The following FBN2 variants were observed in gnomAD, a reference collection of about 807,000 sequenced individuals.
FBN2 encodes the protein fibrillin 2.
In FBN2, 105 loss-of-function variants were observed where a neutral mutation model predicts 355.6. The observed-to-expected ratio is 0.30, with a 90% CI of 0.25 to 0.35. The LOEUF (loss-of-function observed/expected upper bound fraction) is 0.35. Ranked by LOEUF, FBN2 falls within the 10% of genes least tolerant of loss-of-function variation. FBN2 has a pLI of 1.00. For missense variants in FBN2, 3,280 were observed against 3,758.7 expected (o/e 0.87, Z 3.33); for synonymous variants, 1,350 against 1,301.2 (o/e 1.04, Z -0.81).
chr5:128,321,335 T>C (rs1750367119), intron 34 of FBN2, among the ~76,000 whole-genome samples: 1 of 152,230 alleles, frequency 6.6e-6, no homozygotes, highest in Non-Finnish European at 1.5e-5. Flanking sequence ...GGGATACATG[T>C]ACAGAATGTG....
intron 5 of FBN2, among the ~76,000 whole-genome samples, chr5:128,486,107 ATGT>A (rs1455132613): frequency 1.3e-5 from 2 of 152,176 alleles, no homozygotes; most frequent in African/African-American, 4.8e-5. Context: ...TATGTTCAGA[ATGT>A]TGTTATCTGC....
intron 15 of FBN2, among the ~76,000 whole-genome samples, chr5:128,373,525 A>G (rs908608143): frequency 6.6e-6 from 1 of 152,194 alleles, no homozygotes; most frequent in East Asian, 1.9e-4. Context: ...AGGTAGGAGT[A>G]AAGTATTAAC....
At chr5:128,313,195 G>A (rs1750107174) in intron 36 of FBN2, among the ~76,000 whole-genome samples, 1 of 152,140 alleles carries the variant, frequency 6.6e-6, no homozygotes, top group Admixed American at 6.5e-5. Context: ...TTTTGGAAAA[G>A]ATAGCCTGCA....
intron 11 of FBN2, among the ~76,000 whole-genome samples, chr5:128,385,273 G>A (rs1752337492): frequency 6.6e-6 from 1 of 152,032 alleles, no homozygotes; most frequent in Non-Finnish European, 1.5e-5. Context: ...TGTACTGAAT[G>A]TTTAGCTACC....
rs553236991 is a variant in FBN2 at position 128,453,751 on chromosome 5, G to A, written c.827-7145C>T. ...AGAGTGGGGAAGGCTCAAAGGAAAC[G>A]TGTTGGTTTGAAACTTCCACAAGGC... On this transcript the variant is annotated intron_variant, in intron 6 of 64. Coordinates refer to ENST00000262464, the MANE Select transcript of FBN2 (RefSeq NM_001999.4). Among the ~76,000 whole-genome samples the A allele has an allele frequency of 4.6e-5, 7 of 152,194 alleles. No individual in the cohort carries two copies. In the South Asian group the frequency reaches 1.0e-3, roughly 23 times the overall value.
In FBN2 at chr5:128,290,034, A is replaced by G; in HGVS notation, c.6446-87T>C. The G allele has an allele frequency of 5.2e-6, 4 of 770,692 alleles. No homozygotes were observed. In the South Asian group the frequency reaches 5.7e-5, roughly 11 times the overall value. 47.7% of individuals were successfully genotyped at this position (770,692 alleles called of 1,614,324 possible). On this transcript the variant is annotated intron_variant, in intron 50 of 64. Transcript: ENST00000262464. ...AAGGATGAACAATATACATGAAATT[A>G]CACTTAATTATGTTTCCATTACAAA... is the stretch of plus-strand genomic sequence containing the variant.
At chr5:128,518,354 C>T (rs1439375071) in intron 5 of FBN2, among the ~76,000 whole-genome samples, 1 of 152,162 alleles carries the variant, frequency 6.6e-6, no homozygotes, top group Non-Finnish European at 1.5e-5. Context: ...TTCACATTGG[C>T]TTGACTAACC....
Position 128,280,215 on chromosome 5 carries a change from C to G in FBN2, c.7115G>C (p.Ser2372Thr), listed in dbSNP as rs1373495300. The G allele has an allele frequency of 6.8e-6, 11 of 1,612,524 alleles. No individual in the cohort carries two copies. Among genetic ancestry groups the G allele is most frequent in the Non-Finnish European group, 9.3e-6 (11 of 1,178,854 alleles). Residue 2372 changes from serine to threonine, a missense_variant, in exon 56 of 65, where the codon AGT (serine) becomes ACT (threonine). Ser to Thr is a moderately conservative substitution (Grantham distance 58). Transcript: ENST00000262464. Reference protein sequence around the residue: ...RCECNEGFQSSSSGTECLDNR... With the variant: ...RCECNEGFQSTSSGTECLDNR... Reference sequence around the variant, plus strand: ...ACCAAGGCATTCAGTGCCTGAAGAACTTGACTGGAATCCTTCATTACACTC... The same window carrying G: ...ACCAAGGCATTCAGTGCCTGAAGAAGTTGACTGGAATCCTTCATTACACTC...
chr5:128,351,077 G>C, intron 20 of FBN2, 72 bp from the exon 21 acceptor site: 1 of 1,567,394 alleles, frequency 6.4e-7, no homozygotes, highest in Non-Finnish European at 8.8e-7. Flanking sequence ...GTACACAAAA[G>C]GCATTTGTTA....
At chr5:128,330,914 T>C (rs952832934) in intron 32 of FBN2, among the ~76,000 whole-genome samples, 1 of 152,220 alleles carries the variant, frequency 6.6e-6, no homozygotes, top group Non-Finnish European at 1.5e-5. Context: ...GTGAGATATC[T>C]AGTCAACGTG....
At chr5:128,416,096 G>A (rs189732040) in intron 7 of FBN2, among the ~76,000 whole-genome samples, 10 of 150,528 alleles carry the variant, frequency 6.6e-5, no homozygotes, top group South Asian at 6.3e-4. Context: ...GGGCGATCTC[G>A]GCTCACCGCA....
chr5:128,365,370 C>G (rs1308588277), intron 17 of FBN2: 1 of 152,158 alleles, frequency 6.6e-6, no homozygotes, highest in Non-Finnish European at 1.5e-5. Context: ...TAGAGGCTGG[C>G]TCTGCTGGAA....
intron 61 of FBN2, 35 bp from the exon 62 acceptor site, chr5:128,272,153 C>T: frequency 1.2e-6 from 2 of 1,613,278 alleles, no homozygotes; most frequent in East Asian, 2.2e-5. Flanking sequence ...CTTTATGTCA[C>T]CTTTCTTCTA....
Position 128,333,003 on chromosome 5 carries a change from G to T in FBN2, c.4131C>A (p.Asn1377Lys), listed in dbSNP as rs1750734443. The stretch of plus-strand genomic sequence containing the variant: ...TCAGACATGAGGCATGCATGTCGCA[G>T]TTATGAGCACCAATTTCACACTCAT... ...DVDECEIGAH[N>K]CDMHASCLNI... Residue 1377 changes from asparagine (N) to lysine (K), a missense_variant, in exon 32 of 65, where the codon AAC becomes AAA. This residue lies in a region of FBN2 where 2,284 missense variants were observed against 2,749.5 expected (regional missense o/e 0.83). Coordinates refer to ENST00000262464, the MANE Select transcript of FBN2 (RefSeq NM_001999.4). 6.2e-7 allele frequency: 1 copy of T among 1,612,092 alleles called. No individual in the cohort carries two copies. Among genetic ancestry groups the T allele is most frequent in the South Asian group, 1.1e-5 (1 of 91,030 alleles).
intron 57 of FBN2, among the ~76,000 whole-genome samples, 173 bp from the exon 58 acceptor site, chr5:128,278,178 A>G (rs892339078): frequency 7.2e-5 from 11 of 152,212 alleles, no homozygotes; most frequent in African/African-American, 2.7e-4. Flanking sequence ...GATGTGATGG[A>G]AAAATAATCT....
chr5:128,510,608 T>C (rs1756086973), intron 5 of FBN2, among the ~76,000 whole-genome samples: 1 of 152,236 alleles, frequency 6.6e-6, no homozygotes, highest in African/African-American at 2.4e-5. Context: ...AATTTTGTTT[T>C]AAGCTCTATG....
chr5:128,262,404 G>C (rs894056644), intron 63 of FBN2, among the ~76,000 whole-genome samples: 7 of 152,090 alleles, frequency 4.6e-5, no homozygotes, highest in Non-Finnish European at 1.0e-4. Context: ...TTTTGAAACA[G>C]CAAAATTCTT....
Position 128,379,837 on chromosome 5 carries a change from T to C in FBN2, c.1604-947A>G, listed in dbSNP as rs1266998870. On this transcript the variant is annotated intron_variant, in intron 11 of 64. Coordinates refer to ENST00000262464, the MANE Select transcript of FBN2 (RefSeq NM_001999.4). ...GAGGGCATAATGATTTGCCATTTCA[T>C]ATATGTGTAGAAGCCATTAACATAT... Among the ~76,000 whole-genome samples the C allele has an allele frequency of 1.2e-4, 18 of 152,164 alleles. 1 individual carries two copies. The highest frequency in any genetic ancestry group is 1.5e-5 in the Non-Finnish European group (1 of 68,012).
At chr5:128,400,555 G>A (rs567222728) in intron 8 of FBN2, among the ~76,000 whole-genome samples, 1 of 152,128 alleles carries the variant, frequency 6.6e-6, no homozygotes, top group African/African-American at 2.4e-5. Context: ...CCATCAATTG[G>A]AGAACACCCA....
Sources: allele counts gnomAD v4.1 joint callset (sites outside exome capture counted in the v4.1 genomes callset), GRCh38; gene constraint gnomAD v4.1.1; regional missense constraint gnomAD v4.1.1; transcripts MANE v1.5; gene names NCBI Gene and HGNC (gene_info 2026-07-23, HGNC 2026-07-21).